Variants in SOX5 observed in about 807,000 individuals in gnomAD.
SOX5 encodes SRY-box transcription factor 5.
A neutral mutation model predicts 92.0 loss-of-function variants in SOX5; 9 were observed. The ratio of observed to expected loss-of-function variants is 0.10; its 90% CI spans 0.06 to 0.17. The LOEUF is 0.17. Ranked by LOEUF, SOX5 falls within the 10% of genes least tolerant of loss-of-function variation. The pLI is 1.00. For missense variants in SOX5, 642 were observed against 944.5 expected (o/e 0.68, Z 4.20); for synonymous variants, 344 against 336.3 (o/e 1.02, Z -0.25).
intron 6 of SOX5, among the ~76,000 whole-genome samples, chr12:23,728,976 T>C (rs982669196): frequency 6.6e-6 from 1 of 151,970 alleles, no homozygotes; most frequent in African/African-American, 2.4e-5. Flanking sequence ...TAAAATCATA[T>C]GAATATGGAA....
At chr12:23,658,113 T>C (rs1450192213) in intron 7 of SOX5, among the ~76,000 whole-genome samples, 1 of 152,156 alleles carries the variant, frequency 6.6e-6, no homozygotes, top group Non-Finnish European at 1.5e-5. Context: ...TTATAATGAT[T>C]AAAATCAATT....
At chr12:23,702,036 T>G (rs149128099) in intron 6 of SOX5, among the ~76,000 whole-genome samples, 3 of 152,080 alleles carry the variant, frequency 2.0e-5, no homozygotes, top group African/African-American at 7.2e-5. Flanking sequence ...AAGATTTACC[T>G]CATAGAATAC....
intron 4 of SOX5, among the ~76,000 whole-genome samples, chr12:24,195,916 ATT>A: frequency 6.6e-6 from 1 of 152,254 alleles, no homozygotes; most frequent in African/African-American, 2.4e-5. Context: ...ACAGGGTCTC[ATT>A]CTGTTGCCCA....
chr12:23,964,553 T>C (rs1327957884), intron 4 of SOX5, among the ~76,000 whole-genome samples: 1 of 152,178 alleles, frequency 6.6e-6, no homozygotes, highest in African/African-American at 2.4e-5. Flanking sequence ...GGAGTTAATA[T>C]AATATCGTCC....
chr12:24,314,075 C>A (rs912804258), intron 2 of SOX5, among the ~76,000 whole-genome samples: 4 of 152,154 alleles, frequency 2.6e-5, no homozygotes, highest in Non-Finnish European at 5.9e-5. Flanking sequence ...CATGTACTGC[C>A]ACCATGCTGA....
intron 6 of SOX5, among the ~76,000 whole-genome samples, chr12:23,679,127 A>G (rs1468483210): frequency 6.6e-6 from 1 of 152,184 alleles, no homozygotes; most frequent in East Asian, 1.9e-4. Context: ...TTTTCTATGC[A>G]GAGCCTCCAA....
chr12:23,975,526 T>C (rs936115274), intron 4 of SOX5, among the ~76,000 whole-genome samples: 2 of 152,156 alleles, frequency 1.3e-5, no homozygotes, highest in African/African-American at 2.4e-5. Flanking sequence ...ATCATTAGTT[T>C]GCATTCCAGA....
intron 1 of SOX5, among the ~76,000 whole-genome samples, chr12:23,905,052 A>C (rs2097277283): frequency 6.6e-6 from 1 of 152,214 alleles, no homozygotes; most frequent in Admixed American, 6.5e-5. Flanking sequence ...CAGAAATAGA[A>C]TCTGATTCTT....
At chr12:24,322,143 C>T (rs546337109) in intron 2 of SOX5, among the ~76,000 whole-genome samples, 1 of 152,140 alleles carries the variant, frequency 6.6e-6, no homozygotes, top group East Asian at 1.9e-4. Flanking sequence ...ATTTCTAAAG[C>T]TGTTTATTAG....
chr12:24,259,342 A>G lies in SOX5; in HGVS notation c.-77+17874T>C, dbSNP rs544493754. On this transcript the variant is annotated intron_variant, in intron 3 of 4. Transcript: ENST00000446891. ...TGTTAGGCTAAACTAAGAAAAACCT[A>G]TTTATACATTTGTGTGTATATATTT... Among the ~76,000 whole-genome samples the G allele has an allele frequency of 7.7e-4, 118 of 152,314 alleles. 1 individual carries two copies. The highest frequency in any genetic ancestry group is 2.7e-3 in the African/African-American group (114 of 41,572).
At chr12:24,495,362 A>G (rs1273815365) in intron 1 of SOX5, among the ~76,000 whole-genome samples, 1 of 152,222 alleles carries the variant, frequency 6.6e-6, no homozygotes, top group Admixed American at 6.5e-5. Flanking sequence ...AAGGGAAATG[A>G]GCAACTTTCT....
chr12:23,875,208 C>T (rs779263399), intron 2 of SOX5, among the ~76,000 whole-genome samples: 20 of 151,982 alleles, frequency 1.3e-4, no homozygotes, highest in East Asian at 3.9e-4. Flanking sequence ...CTTCAATAAT[C>T]GTGAAGTGGA....
At chr12:23,904,532 T>G (rs995392784) in intron 1 of SOX5, among the ~76,000 whole-genome samples, 2 of 152,198 alleles carry the variant, frequency 1.3e-5, no homozygotes, top group Non-Finnish European at 2.9e-5. Flanking sequence ...TACCATAACA[T>G]GTAAATCTAA....
intron 1 of SOX5, among the ~76,000 whole-genome samples, chr12:24,462,667 A>G (rs1943774217): frequency 1.3e-5 from 2 of 152,298 alleles, no homozygotes; most frequent in South Asian, 2.1e-4. Flanking sequence ...ACGTAAATGA[A>G]CACCCTGCAA....
Position 24,291,290 on chromosome 12 carries a change from T to C in SOX5, c.-173-13978A>G, listed in dbSNP as rs151319887. Among the ~76,000 whole-genome samples the C allele has an allele frequency of 6.6e-3, 1,005 of 152,338 alleles. 11 individuals carry two copies. Among genetic ancestry groups the C allele is most frequent in the African/African-American group, 0.022 (917 of 41,572 alleles). On this transcript the variant is annotated intron_variant, in intron 2 of 4. Transcript: ENST00000446891. ...TTAGATTTTATTGAGGGATTTATCA[T>C]GATTATAGACAAAGTTCCAACAAGG...
chr12:24,384,079 T>C (rs1219667420), intron 1 of SOX5, among the ~76,000 whole-genome samples: 1 of 152,206 alleles, frequency 6.6e-6, no homozygotes, highest in Non-Finnish European at 1.5e-5. Context: ...ACCGCCATTA[T>C]TGTAAGTTTC....
At chr12:23,806,277 T>C (rs548055662) in intron 3 of SOX5, among the ~76,000 whole-genome samples, 2 of 152,082 alleles carry the variant, frequency 1.3e-5, no homozygotes, top group Non-Finnish European at 2.9e-5. Context: ...AACAATGCCA[T>C]GAGAAAGCAT....
rs115570441 is a variant in SOX5, at chr12:23,636,685, G to A, written c.1017+4127C>T. On this transcript the variant is annotated intron_variant, in intron 8 of 14. Transcript: ENST00000451604. ...AATTCAGAGTCCGAAGTAGACAGCT[G>A]TCATTATGAATCCTGCTACTTCTTT... 5.3e-3 allele frequency among the ~76,000 whole-genome samples: 807 copies of A among 152,296 alleles called. 8 individuals carry two copies. The highest frequency in any genetic ancestry group is 0.018 in the African/African-American group (764 of 41,572).
At chr12:23,664,893 A>G (rs1322917146) in intron 7 of SOX5, among the ~76,000 whole-genome samples, 2 of 152,162 alleles carry the variant, frequency 1.3e-5, no homozygotes, top group Non-Finnish European at 2.9e-5. Flanking sequence ...AAGCCGGAGA[A>G]AGGGACCTAA....
Sources: gnomAD v4.1 joint callset for allele counts (sites outside exome capture counted in the v4.1 genomes callset) on GRCh38, gnomAD v4.1.1 for gene constraint, MANE v1.5 for transcripts, NCBI Gene and HGNC (gene_info 2026-07-23, HGNC 2026-07-21) for gene names.